POLR1C: variants seen among roughly 807,000 people sequenced by gnomAD.
POLR1C encodes RNA polymerase I and III subunit C.
In POLR1C, 42 loss-of-function variants were observed where a neutral mutation model predicts 38.3. The ratio of observed to expected loss-of-function variants is 1.10; its 90% CI spans 0.86 to 1.42. The LOEUF (loss-of-function observed/expected upper bound fraction) is 1.42, where lower values mean the gene tolerates loss of function less well. POLR1C is among the 40% of genes most tolerant of loss of function. The pLI is 0.00. For synonymous variants in POLR1C, 163 were observed against 163.9 expected (o/e 0.99, Z 0.04); for missense variants, 507 against 450.5 (o/e 1.13, Z -1.14).
chr6:43,530,828 T>C, downstream of POLR1C: 1 of 1,605,876 alleles, frequency 6.2e-7, no homozygotes, highest in Non-Finnish European at 8.5e-7. Context: ...ATGAAAACTG[T>C]AAAGGGGAAA....
At chr6:43,551,402 C>T (rs751839221) in intron 10 of POLR1C, 2 of 1,613,928 alleles carry the variant, frequency 1.2e-6, no homozygotes, top group Non-Finnish European at 8.5e-7. Context: ...TCCTTGGTAT[C>T]AAAGTTCAGA....
intron 10 of POLR1C, among the ~76,000 whole-genome samples, chr6:43,554,432 T>C (rs1436870290): frequency 3.3e-5 from 5 of 150,140 alleles, no homozygotes; most frequent in Admixed American, 2.7e-4. Context: ...CTTTTTTTTT[T>C]TTTTCTTTTT....
At chr6:43,526,110 A>G (rs1793570644), downstream of POLR1C, 1 of 593,888 alleles carries the variant, frequency 1.7e-6, no homozygotes, top group Non-Finnish European at 3.0e-6. Context: ...AGATGCACTC[A>G]AGCTGTACAT....
downstream of POLR1C, chr6:43,526,187 G>T: frequency 2.1e-6 from 1 of 472,144 alleles, no homozygotes; most frequent in Non-Finnish European, 3.8e-6. Context: ...TTTGTTGTTG[G>T]ACAAATATTT....
downstream of POLR1C, among the ~76,000 whole-genome samples, chr6:43,530,268 A>C (rs1793882207): frequency 6.6e-6 from 1 of 152,034 alleles, no homozygotes; most frequent in Admixed American, 6.6e-5. Context: ...AAAAATAGGA[A>C]TAAAAATCAG....
downstream of POLR1C, chr6:43,526,240 G>T: frequency 2.4e-6 from 1 of 412,546 alleles, no homozygotes; most frequent in African/African-American, 2.0e-5. Flanking sequence ...AAAAGGTATA[G>T]GACAATAGGT....
intron 2 of POLR1C, 23 bp from the exon 3 acceptor site, chr6:43,519,310 A>C: frequency 7.1e-7 from 1 of 1,416,256 alleles, no homozygotes; most frequent in Non-Finnish European, 1.0e-6. Context: ...ATTTCACTTA[A>C]ATGTTTTTTC....
chr6:43,556,262 G>A lies in POLR1C; in HGVS notation c.*49-5138G>A, dbSNP rs115252034. 6.5e-3 allele frequency among the ~76,000 whole-genome samples: 990 copies of A among 152,256 alleles called. 10 individuals carry two copies. The highest frequency in any genetic ancestry group is 0.022 in the African/African-American group (906 of 41,558). ...ATCAGGATTGGGCACAGTAGCTCAC[G>A]CCTGAAATCCTAGCACTTTAGGAGG... is the stretch of plus-strand genomic sequence containing the variant. On this transcript the variant is annotated intron_variant, in intron 10 of 10. Transcript: ENST00000607635.
rs1297779358 is a variant in POLR1C at position 43,552,215 on chromosome 6, GCCCGGC to G, written c.*48+1205_*48+1210del. Among the ~76,000 whole-genome samples the G allele has an allele frequency of 1.7e-4, 26 of 152,108 alleles. 1 individual carries two copies. The East Asian group carries it at 4.6e-3, about 27-fold the overall frequency. On this transcript the variant is annotated intron_variant, in intron 10 of 10. Transcript: ENST00000607635. Reference sequence around the variant, plus strand: ...TGGGATTACAGGCACCCATGACCATGCCCGGCTAATTTTTGTATTTTTAGTAGAGAC... The same window carrying G: ...TGGGATTACAGGCACCCATGACCATGTAATTTTTGTATTTTTAGTAGAGAC...
Position 43,562,116 on chromosome 6 carries a change from G to A in POLR1C, c.*765G>A, listed in dbSNP as rs1762449104. 2.3e-5 allele frequency: 14 copies of A among 604,008 alleles called. No homozygotes were observed. In the South Asian group the frequency reaches 2.7e-4, roughly 12 times the overall value. The allele number at this position is 604,008 out of a possible 1,614,324, so 37.4% of individuals were successfully genotyped here. On this transcript the variant is annotated 3_prime_UTR_variant, in exon 11 of 11. Transcript: ENST00000607635. The stretch of plus-strand genomic sequence containing the variant: ...AAGATAATTTAATCTATAGAATCAT[G>A]CAATAACTTGTATGGCACTGCCCCA...
intron 9 of POLR1C, chr6:43,546,809 A>C: frequency 6.9e-7 from 1 of 1,443,318 alleles, no homozygotes; most frequent in Non-Finnish European, 9.3e-7. Flanking sequence ...AAAAAGACCA[A>C]ATACTGTTAG....
At chr6:43,551,221 T>C (rs958005055) in intron 10 of POLR1C, 2 of 1,397,750 alleles carry the variant, frequency 1.4e-6, no homozygotes, top group Non-Finnish European at 1.9e-6. Flanking sequence ...CAAGATCCTG[T>C]CTCCAAAAAA....
intron 10 of POLR1C, chr6:43,553,595 G>A: frequency 1.4e-6 from 2 of 1,471,726 alleles, no homozygotes; most frequent in South Asian, 1.3e-5. Flanking sequence ...AGACAATGGA[G>A]CCTTAGAGAA....
At chr6:43,560,452 C>A in intron 10 of POLR1C, 1 of 972,060 alleles carries the variant, frequency 1.0e-6, no homozygotes, top group Non-Finnish European at 1.4e-6. Context: ...CAGTAATGAC[C>A]ACCCACTATG....
At chr6:43,549,895 T>C (rs1302539147) in intron 9 of POLR1C, 1 of 1,610,794 alleles carries the variant, frequency 6.2e-7, no homozygotes, top group Non-Finnish European at 8.5e-7. Context: ...GGTCTTACCT[T>C]ACTTTCTTCA....
At chr6:43,545,663 C>A (rs9462903) in intron 9 of POLR1C, among the ~76,000 whole-genome samples, 1 of 151,984 alleles carries the variant, frequency 6.6e-6, no homozygotes, top group South Asian at 2.1e-4. Context: ...GCCAAGATTG[C>A]ACCACTGCAC....
At chr6:43,553,656 C>T (rs1341935172) in intron 10 of POLR1C, 23 of 1,391,604 alleles carry the variant, frequency 1.7e-5, no homozygotes, top group Non-Finnish European at 2.1e-5. Flanking sequence ...CCCCTCTCAG[C>T]TGGGGCAAAG....
chr6:43,531,004 G>C (rs1369424801), downstream of POLR1C, among the ~76,000 whole-genome samples: 1 of 152,218 alleles, frequency 6.6e-6, no homozygotes, highest in East Asian at 1.9e-4. Flanking sequence ...TGGTGGCCGA[G>C]ATCAGCAGTA....
At chr6:43,547,714 G>T (rs1795028429) in intron 9 of POLR1C, 2 of 1,613,114 alleles carry the variant, frequency 1.2e-6, no homozygotes, top group South Asian at 2.2e-5. Context: ...CACTCTGAAG[G>T]TTGGAGGGGG....
Sources: gnomAD v4.1 joint callset for allele counts (sites outside exome capture counted in the v4.1 genomes callset) on GRCh38, gnomAD v4.1.1 for gene constraint, MANE v1.5 for transcripts, NCBI Gene and HGNC (gene_info 2026-07-23, HGNC 2026-07-21) for gene names.